The following PLPPR1 variants were observed in gnomAD, a reference collection of about 807,000 sequenced individuals.
PLPPR1 encodes the protein phospholipid phosphatase related 1.
In PLPPR1, 10 loss-of-function variants were observed where a neutral mutation model predicts 33.1. That is an observed-to-expected ratio of 0.30 (90% CI 0.19 to 0.51). The LOEUF is 0.51. Among genes scored for constraint, PLPPR1 ranks in the 20% least tolerant of loss-of-function variants. PLPPR1 has a pLI of 0.97. For missense variants in PLPPR1, 304 were observed against 408.1 expected (o/e 0.74, Z 2.20); for synonymous variants, 151 against 151.0 (o/e 1.00, Z 0.00).
At chr9:101,129,603 G>A (rs541649998) in intron 1 of PLPPR1, among the ~76,000 whole-genome samples, 5 of 152,258 alleles carry the variant, frequency 3.3e-5, no homozygotes, top group African/African-American at 7.2e-5. Context: ...AGGCCGAGGC[G>A]GGTGGATCAC....
intron 4 of PLPPR1, among the ~76,000 whole-genome samples, chr9:101,293,129 C>CA (rs1392710298): frequency 6.6e-5 from 10 of 150,386 alleles, no homozygotes; most frequent in African/African-American, 2.2e-4. Context: ...AAATGGAAAA[C>CA]AAAAAAAGGC....
In PLPPR1 at chr9:101,225,246, C is replaced by T. The variant is rs1827038967; in HGVS notation, c.63+39689C>T. 2.6e-5 allele frequency among the ~76,000 whole-genome samples: 4 copies of T among 152,276 alleles called. No individual in the cohort carries two copies. The South Asian group carries it at 8.3e-4, about 32-fold the overall frequency. On this transcript the variant is annotated intron_variant, in intron 2 of 7. Coordinates refer to ENST00000374874, the MANE Select transcript of PLPPR1 (RefSeq NM_207299.2). Reference sequence around the variant, plus strand: ...GGACTCATTTAAGGAATGAATTTTGCCAGCAATTCCTCCTTAAGTGAGTAG... The same window carrying T: ...GGACTCATTTAAGGAATGAATTTTGTCAGCAATTCCTCCTTAAGTGAGTAG...
chr9:101,121,539 A>C (rs1831178409), intron 1 of PLPPR1, among the ~76,000 whole-genome samples: 1 of 152,206 alleles, frequency 6.6e-6, no homozygotes, highest in South Asian at 2.1e-4. Context: ...AGTTGCAAAT[A>C]ATATTTAATA....
chr9:101,120,197 C>T (rs911360180), intron 1 of PLPPR1, among the ~76,000 whole-genome samples: 1 of 152,216 alleles, frequency 6.6e-6, no homozygotes, highest in Non-Finnish European at 1.5e-5. Flanking sequence ...ACAGAAATCT[C>T]TCACAATTTA....
At chr9:101,194,519 G>T (rs180786883) in intron 2 of PLPPR1, among the ~76,000 whole-genome samples, 5 of 152,252 alleles carry the variant, frequency 3.3e-5, no homozygotes, top group Non-Finnish European at 7.4e-5. Flanking sequence ...GGAGGCCGAG[G>T]TGGGCAGATC....
At chr9:101,250,691 A>T (rs1827699421) in intron 2 of PLPPR1, among the ~76,000 whole-genome samples, 1 of 152,084 alleles carries the variant, frequency 6.6e-6, no homozygotes, top group Non-Finnish European at 1.5e-5. Flanking sequence ...CTGCAGTTAT[A>T]CATAGTTGTT....
At chr9:101,285,486 C>A (rs1033199963) in intron 3 of PLPPR1, among the ~76,000 whole-genome samples, 2 of 152,126 alleles carry the variant, frequency 1.3e-5, no homozygotes, top group Non-Finnish European at 2.9e-5. Context: ...TGTAATGGCA[C>A]ATAATAAAGT....
intron 1 of PLPPR1, among the ~76,000 whole-genome samples, chr9:101,086,008 G>C (rs1830670956): frequency 6.6e-6 from 1 of 152,162 alleles, no homozygotes; most frequent in Non-Finnish European, 1.5e-5. Flanking sequence ...CCTTTTATCA[G>C]GTTGAGGAAG....
chr9:101,157,742 C>T (rs1831715100), intron 1 of PLPPR1, among the ~76,000 whole-genome samples: 2 of 152,108 alleles, frequency 1.3e-5, no homozygotes, highest in Admixed American at 1.3e-4. Flanking sequence ...TGACTCATGC[C>T]TGTAATCTCT....
intron 1 of PLPPR1, among the ~76,000 whole-genome samples, chr9:101,143,417 G>T (rs879371435): frequency 2.0e-5 from 3 of 152,096 alleles, no homozygotes; most frequent in Non-Finnish European, 4.4e-5. Flanking sequence ...ATGTGACTCT[G>T]TTTTAAGCCA....
intron 1 of PLPPR1, among the ~76,000 whole-genome samples, chr9:101,057,931 G>A (rs930276548): frequency 6.6e-6 from 1 of 152,126 alleles, no homozygotes; most frequent in Admixed American, 6.6e-5. Flanking sequence ...GAGGTGAGGA[G>A]GAAGAGAAAG....
chr9:101,293,084 C>A (rs1209817254), intron 4 of PLPPR1, among the ~76,000 whole-genome samples: 10 of 151,758 alleles, frequency 6.6e-5, no homozygotes, highest in Non-Finnish European at 1.0e-4. Flanking sequence ...CACACATAGG[C>A]TCAAAATAAA....
chr9:101,120,065 G>A (rs1461822307), intron 1 of PLPPR1, among the ~76,000 whole-genome samples: 1 of 152,186 alleles, frequency 6.6e-6, no homozygotes, highest in Non-Finnish European at 1.5e-5. Context: ...GCTAAAACAG[G>A]TCTTGGGATT....
intron 1 of PLPPR1, among the ~76,000 whole-genome samples, chr9:101,059,890 A>T (rs774731554): frequency 6.6e-6 from 1 of 152,110 alleles, no homozygotes; most frequent in African/African-American, 2.4e-5. Context: ...TACAGCCATT[A>T]TGGAAAACAG....
chr9:101,066,316 TTG>T (rs1481395308), intron 1 of PLPPR1, among the ~76,000 whole-genome samples: 1 of 152,034 alleles, frequency 6.6e-6, no homozygotes, highest in Non-Finnish European at 1.5e-5. Context: ...GATGTTAACC[TTG>T]ATCACCTGGC....
chr9:101,250,089 C>T (rs747526390), intron 2 of PLPPR1, among the ~76,000 whole-genome samples: 11 of 152,012 alleles, frequency 7.2e-5, no homozygotes, highest in Admixed American at 1.3e-4. Flanking sequence ...TGCATTTCTA[C>T]GTTAGTACCA....
chr9:101,244,354 T>A (rs1376594386), intron 2 of PLPPR1, among the ~76,000 whole-genome samples: 1 of 151,996 alleles, frequency 6.6e-6, no homozygotes, highest in Non-Finnish European at 1.5e-5. Flanking sequence ...GCAGTGAAGA[T>A]GAAGAGATTC....
At chr9:101,266,283 C>T (rs1827992452) in intron 2 of PLPPR1, among the ~76,000 whole-genome samples, 1 of 151,506 alleles carries the variant, frequency 6.6e-6, no homozygotes, top group Non-Finnish European at 1.5e-5. Context: ...AAAAAATTAG[C>T]CAGGCGTGAT....
At chr9:101,099,677 T>C (rs920293231) in intron 1 of PLPPR1, among the ~76,000 whole-genome samples, 1 of 152,150 alleles carries the variant, frequency 6.6e-6, no homozygotes, top group South Asian at 2.1e-4. Flanking sequence ...GTTTAGGATA[T>C]ACAGGAGAAT....
Sources: allele counts gnomAD v4.1 joint callset (sites outside exome capture counted in the v4.1 genomes callset), GRCh38; gene constraint gnomAD v4.1.1; transcripts MANE v1.5; gene names NCBI Gene and HGNC (gene_info 2026-07-23, HGNC 2026-07-21).